VIT: variants seen among roughly 807,000 people sequenced by gnomAD.
The protein encoded by VIT is vitrin.
Under a neutral mutation model 78.0 loss-of-function variants are expected in VIT, and 99 were observed. The observed-to-expected ratio is 1.27, with a 90% confidence interval of 1.08 to 1.50. The LOEUF is 1.50. VIT is among the 40% of genes most tolerant of loss of function. The pLI, the probability that VIT is intolerant of heterozygous loss-of-function variation, is 0.00. For synonymous variants in VIT, 374 were observed against 334.3 expected (o/e 1.12, Z -1.29); for missense variants, 1,126 against 875.3 (o/e 1.29, Z -3.61).
intron 3 of VIT, among the ~76,000 whole-genome samples, chr2:36,741,292 G>T (rs1667819720): frequency 6.6e-6 from 1 of 152,182 alleles, no homozygotes; most frequent in African/African-American, 2.4e-5. Flanking sequence ...TTAAAAGAAT[G>T]AAAGGTAAAA....
chr2:36,718,781 C>T (rs777846886), intron 2 of VIT, among the ~76,000 whole-genome samples: 1 of 152,148 alleles, frequency 6.6e-6, no homozygotes, highest in Non-Finnish European at 1.5e-5. Context: ...GTCAACCATC[C>T]CAACACTGCC....
intron 3 of VIT, among the ~76,000 whole-genome samples, chr2:36,734,704 CT>C (rs1345051066): frequency 6.6e-6 from 1 of 152,182 alleles, no homozygotes; most frequent in Non-Finnish European, 1.5e-5. Flanking sequence ...GTAGTTATCT[CT>C]TTCTCTCCTC....
intron 5 of VIT, 74 bp downstream of exon 5, chr2:36,755,128 G>A (rs1668687981): frequency 1.4e-6 from 2 of 1,464,454 alleles, no homozygotes; most frequent in East Asian, 2.5e-5. Context: ...TGTGCTGTTG[G>A]TTTTTGTTTA....
intron 4 of VIT, among the ~76,000 whole-genome samples, 167 bp downstream of exon 4, chr2:36,743,423 T>C (rs749271024): frequency 4.6e-5 from 7 of 152,236 alleles, no homozygotes; most frequent in Non-Finnish European, 1.0e-4. Context: ...TATAGAAATC[T>C]AGCCAACAGT....
intron 7 of VIT, among the ~76,000 whole-genome samples, chr2:36,770,927 A>C (rs114554618): frequency 1.3e-5 from 2 of 152,150 alleles, no homozygotes; most frequent in Admixed American, 1.3e-4. Context: ...GAGATCCTCC[A>C]CCTCTCTACC....
rs1010062281 is a variant in VIT, at chr2:36,743,336, T to C, written c.275+80T>C. On this transcript the variant is annotated intron_variant, in intron 4 of 15. Coordinates refer to ENST00000379242, the MANE Select transcript of VIT (RefSeq NM_053276.4). Reference sequence around the variant, plus strand: ...AGCCCCCATGCAAGGTTGCCATATTTAGCAAGCAAAAATATACAAATATTT... The same window carrying C: ...AGCCCCCATGCAAGGTTGCCATATTCAGCAAGCAAAAATATACAAATATTT... The C allele has an allele frequency of 1.3e-5, 18 of 1,378,102 alleles. No individual in the cohort carries two copies. The African/African-American group carries it at 1.6e-4, about 12-fold the overall frequency. The allele number at this position is 1,378,102 out of a possible 1,614,324, so 85.4% of individuals were successfully genotyped here. A position where few individuals can be genotyped will look rare whatever the true frequency, so the allele number is the denominator to read the frequency against.
At chr2:36,697,120 T>C (rs1457295938) in intron 1 of VIT, 147 bp downstream of exon 1, 2 of 152,218 alleles carry the variant, frequency 1.3e-5, no homozygotes, top group Non-Finnish European at 1.5e-5. Flanking sequence ...AAGTGGATGG[T>C]ACTTGGCATC....
At chr2:36,751,862 G>C (rs1558539287) in intron 4 of VIT, among the ~76,000 whole-genome samples, 1 of 152,186 alleles carries the variant, frequency 6.6e-6, no homozygotes. Flanking sequence ...ATAAATAAAA[G>C]TCTTAAGGGG....
At chr2:36,773,654 C>G (rs3770784) in intron 7 of VIT, 137 bp from the exon 8 acceptor site, 390,828 of 613,168 alleles carry the variant, frequency 0.64, 131,490 homozygotes, top group Admixed American at 0.7. Flanking sequence ...TCGCTTGAAC[C>G]CGGAGGTTGC....
intron 14 of VIT, among the ~76,000 whole-genome samples, chr2:36,807,290 G>T (rs1343292774): frequency 6.6e-6 from 1 of 152,046 alleles, no homozygotes; most frequent in African/African-American, 2.4e-5. Context: ...GGCCTTCTGG[G>T]GTGCAGTCCC....
In VIT at chr2:36,787,226, A is replaced by C. The variant is rs886324708; in HGVS notation, c.1008A>C (p.Gln336His). 18 of 1,614,046 alleles carry C rather than the reference A, an allele frequency of 1.1e-5. No homozygotes were observed. The highest frequency in any genetic ancestry group is 1.5e-5 in the Non-Finnish European group (18 of 1,180,028). ...IQKQLLADVA[Q>H]ALDIGPAGPL... Reference sequence around the variant, plus strand: ...AGCAGCTCCTGGCTGATGTTGCCCAAGCTCTTGACATTGGCCCTGCCGGTC... The same window carrying C: ...AGCAGCTCCTGGCTGATGTTGCCCACGCTCTTGACATTGGCCCTGCCGGTC... The change falls in exon 12 of 16, where the codon CAA becomes CAC. Residue 336 changes from glutamine to histidine, a missense_variant. Gln to His is a conservative substitution (Grantham distance 24, BLOSUM62 0). Coordinates refer to ENST00000379242, the MANE Select transcript of VIT (RefSeq NM_053276.4).
intron 1 of VIT, among the ~76,000 whole-genome samples, chr2:36,712,101 G>T (rs1665838063): frequency 6.6e-6 from 1 of 152,192 alleles, no homozygotes; most frequent in Non-Finnish European, 1.5e-5. Flanking sequence ...TAATGGTGCT[G>T]GTGGCAGTCC....
intron 3 of VIT, 125 bp from the exon 4 acceptor site, chr2:36,742,975 G>T (rs1667923069): frequency 1.7e-6 from 2 of 1,157,456 alleles, no homozygotes; most frequent in Non-Finnish European, 1.2e-6. Context: ...TTATAGGGAG[G>T]GGATGTAGAG....
chr2:36,804,482 G>A (rs1666558612), intron 13 of VIT, among the ~76,000 whole-genome samples: 1 of 152,202 alleles, frequency 6.6e-6, no homozygotes, highest in Admixed American at 6.5e-5. Flanking sequence ...GAAACAACAT[G>A]GGGCTGGCTT....
rs571045011 is a variant in VIT at position 36,759,548 on chromosome 2, G to A, written c.487+502G>A. 5.1e-5 allele frequency: 55 copies of A among 1,078,846 alleles called. No homozygotes were observed. In the East Asian group the frequency reaches 9.5e-4, roughly 19 times the overall value. 66.8% of individuals were successfully genotyped at this position (1,078,846 alleles called of 1,614,324 possible). ...CATGTGAACCACAAAAGGGAGTATC[G>A]GTAGACCTCAGGCCAAGAAAATACC... On this transcript the variant is annotated intron_variant, in intron 6 of 15. Coordinates refer to ENST00000379242, the MANE Select transcript of VIT (RefSeq NM_053276.4).
intron 6 of VIT, among the ~76,000 whole-genome samples, 170 bp from the exon 7 acceptor site, chr2:36,766,924 A>G (rs1309886706): frequency 2.6e-5 from 4 of 152,260 alleles, no homozygotes; most frequent in East Asian, 1.9e-4. Context: ...CTCTGAGAGC[A>G]TACATTCTTT....
chr2:36,754,879 T>C (rs781472899), intron 4 of VIT, 42 bp from the exon 5 acceptor site: 3 of 1,593,806 alleles, frequency 1.9e-6, no homozygotes, highest in Non-Finnish European at 2.6e-6. Context: ...CGTCAAAAAA[T>C]ATTTCTGTTC....
At chr2:36,788,156 G>A (rs1195215713) in intron 12 of VIT, 1 of 206,316 alleles carries the variant, frequency 4.8e-6, no homozygotes, top group Non-Finnish European at 9.8e-6. Flanking sequence ...CAAAGGACCA[G>A]TGGGTGTGGA....
At chr2:36,721,487 G>A (rs896774445) in intron 2 of VIT, among the ~76,000 whole-genome samples, 10 of 151,764 alleles carry the variant, frequency 6.6e-5, no homozygotes, top group African/African-American at 1.9e-4. Flanking sequence ...AAATCCTTAC[G>A]CCTTTACCTC....
Sources: allele counts gnomAD v4.1 joint callset (sites outside exome capture counted in the v4.1 genomes callset), GRCh38; gene constraint gnomAD v4.1.1; transcripts MANE v1.5; gene names NCBI Gene and HGNC (gene_info 2026-07-23, HGNC 2026-07-21).